Variants in SPAG16 observed in about 807,000 individuals in gnomAD.
SPAG16 encodes sperm-associated antigen 16 protein.
Under a neutral mutation model 80.4 loss-of-function variants are expected in SPAG16, and 86 were observed. That is an observed-to-expected ratio of 1.07 (90% CI 0.90 to 1.28). The LOEUF is 1.28. SPAG16 is among the 50% of genes most tolerant of loss of function. SPAG16 has a pLI of 0.00. For synonymous variants in SPAG16, 294 were observed against 265.9 expected (o/e 1.11, Z -1.03); for missense variants, 870 against 765.3 (o/e 1.14, Z -1.61).
chr2:213,317,442 A>G, intron 5 of SPAG16, 86 bp downstream of exon 5: 1 of 1,402,288 alleles, frequency 7.1e-7, no homozygotes, highest in Non-Finnish European at 9.3e-7. Flanking sequence ...GTAATATACC[A>G]GAGCCTTAAT....
intron 13 of SPAG16, among the ~76,000 whole-genome samples, chr2:214,041,219 T>C (rs994943367): frequency 3.3e-5 from 5 of 151,994 alleles, no homozygotes; most frequent in South Asian, 4.1e-4. Context: ...TTGTTCTGTT[T>C]TGCTTTGTTT....
At chr2:213,293,788 A>T (rs181717252) in intron 1 of SPAG16, among the ~76,000 whole-genome samples, 1 of 152,346 alleles carries the variant, frequency 6.6e-6, no homozygotes, top group East Asian at 1.9e-4. Flanking sequence ...TTTCAGCGTT[A>T]TTGAGTTGTA....
chr2:214,211,125 C>T (rs2125747823), intron 15 of SPAG16, among the ~76,000 whole-genome samples: 1 of 151,796 alleles, frequency 6.6e-6, no homozygotes, highest in Non-Finnish European at 1.5e-5. Context: ...AGTTACAATG[C>T]AATAAATTTA....
intron 12 of SPAG16, among the ~76,000 whole-genome samples, chr2:213,981,898 G>A (rs923008712): frequency 4.0e-5 from 6 of 149,354 alleles, no homozygotes; most frequent in Admixed American, 4.0e-4. Context: ...CATTTTCTTG[G>A]ATTAAAATTC....
intron 10 of SPAG16, among the ~76,000 whole-genome samples, chr2:213,717,193 C>T (rs533909924): frequency 6.9e-6 from 1 of 144,298 alleles, no homozygotes; most frequent in Admixed American, 7.1e-5. Context: ...TCTCGTCTGT[C>T]GCCCAGGCTG....
Position 213,674,000 on chromosome 2 carries a change from T to C in SPAG16, c.1070+183910T>C, listed in dbSNP as rs189415080. On this transcript the variant is annotated intron_variant, in intron 10 of 15. Transcript: ENST00000331683. ...TATAAATAAAGTTATATTTTTAAATTATTTCATTATTTTGGTGCTGTTTAT... is the reference window on the plus strand; with the variant it reads ...TATAAATAAAGTTATATTTTTAAATCATTTCATTATTTTGGTGCTGTTTAT... 6.1e-4 allele frequency among the ~76,000 whole-genome samples: 93 copies of C among 152,234 alleles called. 1 individual carries two copies. In the East Asian group the frequency reaches 0.018, roughly 29 times the overall value.
intron 13 of SPAG16, among the ~76,000 whole-genome samples, chr2:214,105,979 G>C (rs2053359793): frequency 6.6e-6 from 1 of 151,616 alleles, no homozygotes; most frequent in African/African-American, 2.4e-5. Context: ...TATTTCCAGG[G>C]TTTTTCAAGA....
chr2:213,977,179 G>GGA (rs1272447014), intron 12 of SPAG16, among the ~76,000 whole-genome samples: 1 of 151,950 alleles, frequency 6.6e-6, no homozygotes, highest in East Asian at 1.9e-4. Flanking sequence ...GGACTGTATT[G>GGA]GAGGTTACTA....
intron 10 of SPAG16, among the ~76,000 whole-genome samples, chr2:213,848,633 G>T (rs539294639): frequency 5.9e-5 from 9 of 152,226 alleles, no homozygotes; most frequent in African/African-American, 1.9e-4. Context: ...TGTGTTCATG[G>T]AGTAATTTTT....
intron 6 of SPAG16, among the ~76,000 whole-genome samples, chr2:213,346,490 C>T (rs1484610582): frequency 7.2e-5 from 11 of 152,148 alleles, no homozygotes; most frequent in African/African-American, 1.2e-4. Flanking sequence ...CCAGTTTTTG[C>T]CCATTCAGTA....
intron 10 of SPAG16, among the ~76,000 whole-genome samples, chr2:213,834,134 G>C (rs2073953176): frequency 6.6e-6 from 1 of 152,120 alleles, no homozygotes; most frequent in Non-Finnish European, 1.5e-5. Flanking sequence ...CACGTAGAAA[G>C]TGCCTTTCAC....
chr2:214,174,392 CA>C (rs2056995548), intron 15 of SPAG16, among the ~76,000 whole-genome samples: 1 of 151,946 alleles, frequency 6.6e-6, no homozygotes, highest in Non-Finnish European at 1.5e-5. Context: ...TCTCAGGATA[CA>C]AAATCAATGT....
intron 6 of SPAG16, among the ~76,000 whole-genome samples, chr2:213,341,389 A>T (rs2064679199): frequency 6.6e-6 from 1 of 152,180 alleles, no homozygotes; most frequent in Non-Finnish European, 1.5e-5. Context: ...TGGGGTCTGA[A>T]ATCTCTTATG....
intron 10 of SPAG16, among the ~76,000 whole-genome samples, chr2:213,764,330 T>A (rs2068818336): frequency 6.6e-6 from 1 of 152,078 alleles, no homozygotes; most frequent in African/African-American, 2.4e-5. Flanking sequence ...CCATACTACT[T>A]TGCAGTGCTT....
intron 12 of SPAG16, among the ~76,000 whole-genome samples, chr2:213,991,222 A>G (rs1436158418): frequency 6.6e-6 from 1 of 151,926 alleles, no homozygotes; most frequent in Non-Finnish European, 1.5e-5. Flanking sequence ...CCCATTGTTC[A>G]ACTCCCACTT....
chr2:214,249,112 C>A (rs1268732763), intron 15 of SPAG16, among the ~76,000 whole-genome samples: 1 of 152,036 alleles, frequency 6.6e-6, no homozygotes, highest in Admixed American at 6.6e-5. Flanking sequence ...TAAATTTATA[C>A]CCAAACACAC....
intron 10 of SPAG16, among the ~76,000 whole-genome samples, chr2:213,610,290 G>A (rs1351340909): frequency 2.0e-5 from 3 of 152,256 alleles, no homozygotes; most frequent in East Asian, 3.9e-4. Context: ...ATTTGCATCT[G>A]TAGAGAAAAT....
intron 9 of SPAG16, among the ~76,000 whole-genome samples, chr2:213,431,463 A>T (rs2070292906): frequency 6.6e-6 from 1 of 151,920 alleles, no homozygotes; most frequent in Admixed American, 6.6e-5. Flanking sequence ...AGCTATACTT[A>T]TATCAGATAA....
At chr2:213,492,287 C>T (rs201252377) in intron 10 of SPAG16, among the ~76,000 whole-genome samples, 5 of 152,158 alleles carry the variant, frequency 3.3e-5, no homozygotes, top group South Asian at 2.1e-4. Context: ...GGTGTGGTGG[C>T]TCACGCCTGT....
Sources: gnomAD v4.1 joint callset for allele counts (sites outside exome capture counted in the v4.1 genomes callset) on GRCh38, gnomAD v4.1.1 for gene constraint, MANE v1.5 for transcripts, NCBI Gene and HGNC (gene_info 2026-07-23, HGNC 2026-07-21) for gene names.